MALT1: variants seen among roughly 807,000 people sequenced by gnomAD.
MALT1 encodes MALT1 paracaspase.
MALT1 carries 36 observed loss-of-function variants against 85.5 expected under a neutral mutation model. The ratio of observed to expected loss-of-function variants is 0.42; its 90% CI spans 0.32 to 0.56. The LOEUF (loss-of-function observed/expected upper bound fraction) is 0.56. MALT1 is among the 20% of genes least tolerant of loss of function. MALT1 has a pLI of 0.10. For synonymous variants in MALT1, 359 were observed against 361.3 expected, an observed-to-expected ratio of 0.99 and a Z score of 0.07; for missense variants, 716 against 981.6, an observed-to-expected ratio of 0.73 and a Z score of 3.62.
At chr18:58,714,645 G>T (rs1225308067) in intron 8 of MALT1, among the ~76,000 whole-genome samples, 1 of 150,876 alleles carries the variant, frequency 6.6e-6, no homozygotes, top group East Asian at 1.9e-4. Flanking sequence ...GTTGTCAAGA[G>T]TATGTAGAAC....
At chr18:58,721,287 G>A (rs998166343) in intron 9 of MALT1, among the ~76,000 whole-genome samples, 2 of 152,176 alleles carry the variant, frequency 1.3e-5, no homozygotes, top group Non-Finnish European at 2.9e-5. Context: ...GCTGAGGTGG[G>A]AGAATCGCTT....
intron 7 of MALT1, among the ~76,000 whole-genome samples, chr18:58,713,226 G>A (rs975025833): frequency 3.3e-5 from 5 of 152,022 alleles, no homozygotes; most frequent in African/African-American, 1.2e-4. Context: ...GTAATTTATT[G>A]TTAATGTTAA....
chr18:58,680,767 C>G (rs1195472297), intron 1 of MALT1, among the ~76,000 whole-genome samples: 1 of 151,502 alleles, frequency 6.6e-6, no homozygotes, highest in Non-Finnish European at 1.5e-5. Flanking sequence ...ACTAAAAATA[C>G]AAAAAATTAG....
In MALT1 at chr18:58,753,636, TAA is replaced by T. The variant is rs2055476437; in HGVS notation, c.*5797_*5798del. ...CAAAACAGCTCTAAAGGTGATTTAC[TAA>T]AAGATTAACAGCATTTATCTCTGGT... On this transcript the variant is annotated 3_prime_UTR_variant, in exon 17 of 17. Coordinates refer to ENST00000649217, the MANE Select transcript of MALT1 (RefSeq NM_006785.4). 1 of 152,264 alleles carries T rather than the reference TAA, an allele frequency of 6.6e-6. No homozygotes were observed. The highest frequency in any genetic ancestry group is 1.5e-5 in the Non-Finnish European group (1 of 68,046). 9.4% of individuals were successfully genotyped at this position (152,264 alleles called of 1,614,324 possible). A position where few individuals can be genotyped will look rare whatever the true frequency, so the allele number is the denominator to read the frequency against.
chr18:58,681,425 AGTATTTTT>A, intron 2 of MALT1, 89 bp downstream of exon 2: 1 of 1,269,234 alleles, frequency 7.9e-7, no homozygotes, highest in Middle Eastern at 1.9e-4. Flanking sequence ...AACTGTGTTA[AGTATTTTT>A]GGAAAATGTA....
chr18:58,727,616 G>GTTTTTTTGTTT (rs2055077666), intron 10 of MALT1, among the ~76,000 whole-genome samples: 1 of 121,264 alleles, frequency 8.2e-6, no homozygotes, highest in African/African-American at 3.3e-5. Flanking sequence ...GGTTTTTTGT[G>GTTTTTTTGTTT]TTTTTTTTTT....
At chr18:58,719,947 A>G (rs1335684350) in intron 9 of MALT1, among the ~76,000 whole-genome samples, 1 of 152,270 alleles carries the variant, frequency 6.6e-6, no homozygotes, top group Non-Finnish European at 1.5e-5. Context: ...GCTTCTGAAT[A>G]TTAACTCTAT....
chr18:58,688,536 CAAAAAAAAAAAA>C lies in MALT1; in HGVS notation c.376+7216_376+7227del, dbSNP rs552838701. On this transcript the variant is annotated intron_variant, in intron 2 of 16. Transcript: ENST00000649217. ...GCAACATAATGAGGCCCTGTTTCTA[CAAAAAAAAAAAA>C]AAAAAAAAAAAAAAATACTAATTTT... is the stretch of plus-strand genomic sequence containing the variant. 4.7e-4 allele frequency among the ~76,000 whole-genome samples: 29 copies of C among 61,404 alleles called. No individual in the cohort carries two copies. The East Asian group carries it at 6.1e-3, about 13-fold the overall frequency. The allele number at this position is 61,404 out of a possible 152,430, so 40.3% of individuals were successfully genotyped here.
chr18:58,734,461 C>T, intron 12 of MALT1, 80 bp downstream of exon 12: 3 of 1,082,606 alleles, frequency 2.8e-6, no homozygotes. Flanking sequence ...GAGCAGGGGT[C>T]TTAACTCTGT....
At position 58,671,621 on chromosome 18, in the gene MALT1, G is replaced by A. The variant is rs1480713798; in HGVS notation, c.-23G>A. On this transcript the variant is annotated 5_prime_UTR_variant, in exon 1 of 17. Transcript: ENST00000649217. ...GACGGGGCGGGCGGGAGCCCCGGCA[G>A]TCCGGGGTCGCCGGCGAGGGCCATG... The A allele has an allele frequency of 9.9e-6, 12 of 1,209,700 alleles. No homozygotes were observed. The East Asian group carries it at 3.7e-4, about 37-fold the overall frequency. The allele number at this position is 1,209,700 out of a possible 1,614,324, so 74.9% of individuals were successfully genotyped here.
At chr18:58,720,416 T>G (rs1211467406) in intron 9 of MALT1, among the ~76,000 whole-genome samples, 1 of 152,228 alleles carries the variant, frequency 6.6e-6, no homozygotes, top group East Asian at 1.9e-4. Flanking sequence ...ACAAGTAGAT[T>G]GGACAGGTAA....
intron 13 of MALT1, among the ~76,000 whole-genome samples, chr18:58,736,107 G>A (rs1568152449): frequency 6.6e-6 from 1 of 152,198 alleles, no homozygotes; most frequent in Admixed American, 6.5e-5. Flanking sequence ...AGGCAACATA[G>A]CGAGACCCTG....
intron 13 of MALT1, among the ~76,000 whole-genome samples, chr18:58,736,526 C>T (rs1189231528): frequency 6.6e-6 from 1 of 151,982 alleles, no homozygotes; most frequent in Non-Finnish European, 1.5e-5. Flanking sequence ...TCCAGAAACT[C>T]TACAGTGTTT....
chr18:58,735,770 T>C (rs955416558), intron 13 of MALT1, among the ~76,000 whole-genome samples: 4 of 152,150 alleles, frequency 2.6e-5, no homozygotes, highest in Non-Finnish European at 5.9e-5. Flanking sequence ...TAGACACTGC[T>C]GGGAAAAGCT....
At chr18:58,691,082 C>A (rs948521424) in intron 2 of MALT1, 7 of 236,374 alleles carry the variant, frequency 3.0e-5, no homozygotes, top group Non-Finnish European at 5.1e-5. Context: ...CTAGTGGAGC[C>A]GGCTGAGTGC....
At chr18:58,687,390 G>A (rs2054420116) in intron 2 of MALT1, among the ~76,000 whole-genome samples, 2 of 152,170 alleles carry the variant, frequency 1.3e-5, no homozygotes, top group African/African-American at 4.8e-5. Flanking sequence ...AATCTATACA[G>A]ATTTCAATTG....
intron 1 of MALT1, among the ~76,000 whole-genome samples, chr18:58,679,014 G>A (rs2054280920): frequency 6.6e-6 from 1 of 152,130 alleles, no homozygotes; most frequent in African/African-American, 2.4e-5. Flanking sequence ...GGCTGTTGTT[G>A]GTTATGTTTC....
intron 13 of MALT1, among the ~76,000 whole-genome samples, chr18:58,739,121 G>A (rs1486526972): frequency 1.3e-5 from 2 of 152,020 alleles, no homozygotes; most frequent in African/African-American, 4.8e-5. Context: ...TTCTTAATAT[G>A]GTGAGTTAAA....
chr18:58,700,812 A>G (rs1162743719), intron 4 of MALT1, among the ~76,000 whole-genome samples: 2 of 151,738 alleles, frequency 1.3e-5, no homozygotes, highest in Non-Finnish European at 2.9e-5. Flanking sequence ...TTTTTAAGAC[A>G]AAGTCTTTTT....
Sources: gnomAD v4.1 joint callset for allele counts (sites outside exome capture counted in the v4.1 genomes callset) on GRCh38, gnomAD v4.1.1 for gene constraint, MANE v1.5 for transcripts, NCBI Gene and HGNC (gene_info 2026-07-23, HGNC 2026-07-21) for gene names.